CPNE5: variants seen among roughly 807,000 people sequenced by gnomAD.
CPNE5 encodes copine 5, also known as copine-5.
A neutral mutation model predicts 81.1 loss-of-function variants in CPNE5; 42 were observed. The observed-to-expected ratio is 0.52, with a 90% CI of 0.40 to 0.67. The LOEUF is 0.67. Among genes scored for constraint, CPNE5 ranks in the 30% least tolerant of loss-of-function variants. The pLI, the probability that CPNE5 is intolerant of heterozygous loss-of-function variation, is 0.00. For synonymous variants in CPNE5, 313 were observed against 321.5 expected (o/e 0.97, Z 0.28); for missense variants, 612 against 815.5 (o/e 0.75, Z 3.04).
At chr6:36,836,995 T>C (rs1484549361) in intron 1 of CPNE5, among the ~76,000 whole-genome samples, 1 of 152,170 alleles carries the variant, frequency 6.6e-6, no homozygotes, top group East Asian at 1.9e-4. Flanking sequence ...CAAAAGGGTA[T>C]TGACCCAGGG....
rs112836585 is a variant in CPNE5, at chr6:36,831,595, C to A, written c.95+7688G>T. ...TGGAGGCTGCAGTGAGCAGAGATCA[C>A]GCCACTGCACTCCAGGCTGGGTGAC... On this transcript the variant is annotated intron_variant, in intron 1 of 20. Coordinates refer to ENST00000244751, the MANE Select transcript of CPNE5 (RefSeq NM_020939.2). 1.7e-4 allele frequency among the ~76,000 whole-genome samples: 24 copies of A among 144,786 alleles called. No individual in the cohort carries two copies. The South Asian group carries it at 5.2e-3, about 32-fold the overall frequency. 95.0% of individuals were successfully genotyped at this position (144,786 alleles called of 152,430 possible).
chr6:36,830,201 G>T (rs1001484011), intron 1 of CPNE5, among the ~76,000 whole-genome samples: 1 of 152,148 alleles, frequency 6.6e-6, no homozygotes, highest in Non-Finnish European at 1.5e-5. Context: ...TCATTTAAAG[G>T]TGCCCTGGGG....
intron 1 of CPNE5, among the ~76,000 whole-genome samples, chr6:36,828,116 G>A (rs1038469587): frequency 3.3e-5 from 5 of 151,938 alleles, no homozygotes; most frequent in Non-Finnish European, 7.4e-5. Flanking sequence ...GGCAAAATGA[G>A]AGCCCTTGGC....
At chr6:36,777,606 TG>T (rs1767625741) in intron 9 of CPNE5, among the ~76,000 whole-genome samples, 1 of 152,192 alleles carries the variant, frequency 6.6e-6, no homozygotes, top group Admixed American at 6.5e-5. Flanking sequence ...GAAATCCTTC[TG>T]GGAGTCCTTT....
rs141084015 is a variant in CPNE5 at position 36,833,541 on chromosome 6, G to T, written c.95+5742C>A. ...GCAGATTAGGAGAGATTCTCCTGCT[G>T]ACCTTGAAGAAATGAGCTGCCATGC... On this transcript the variant is annotated intron_variant, in intron 1 of 20. Transcript: ENST00000244751. Among the ~76,000 whole-genome samples the T allele has an allele frequency of 8.3e-4, 127 of 152,340 alleles. 1 individual carries two copies. Among genetic ancestry groups the T allele is most frequent in the African/African-American group, 2.0e-3 (85 of 41,572 alleles).
intron 8 of CPNE5, among the ~76,000 whole-genome samples, chr6:36,779,377 A>G (rs1746558216): frequency 6.6e-6 from 1 of 152,192 alleles, no homozygotes; most frequent in Admixed American, 6.5e-5. Context: ...ACGTGGTTTC[A>G]TTACACTTTC....
At chr6:36,742,598 C>A in intron 20 of CPNE5, 112 bp from the exon 21 acceptor site, 1 of 1,240,508 alleles carries the variant, frequency 8.1e-7, no homozygotes, top group Non-Finnish European at 1.1e-6. Context: ...GCTCACTTGA[C>A]TCAATCCCCC....
At chr6:36,779,921 G>T (rs1767876586) in intron 8 of CPNE5, among the ~76,000 whole-genome samples, 2 of 151,586 alleles carry the variant, frequency 1.3e-5, no homozygotes. Flanking sequence ...CCCAGGACTT[G>T]CCCTGCTCTT....
chr6:36,792,668 C>T (rs1306462553), intron 7 of CPNE5, among the ~76,000 whole-genome samples: 1 of 152,156 alleles, frequency 6.6e-6, no homozygotes, highest in Non-Finnish European at 1.5e-5. Context: ...AGATCCCAGC[C>T]GACTGTGCAG....
chr6:36,827,794 AC>A, intron 1 of CPNE5: 1 of 970,152 alleles, frequency 1.0e-6, no homozygotes, highest in Non-Finnish European at 1.2e-6. Context: ...CACAGACAAG[AC>A]CAGACCACAA....
intron 8 of CPNE5, among the ~76,000 whole-genome samples, chr6:36,780,285 G>T (rs1476345758): frequency 1.3e-5 from 2 of 152,114 alleles, no homozygotes; most frequent in Non-Finnish European, 2.9e-5. Context: ...TAATGAGGGG[G>T]AGTGTCTTGA....
chr6:36,825,139 C>T (rs562515477), intron 1 of CPNE5, among the ~76,000 whole-genome samples: 5 of 152,238 alleles, frequency 3.3e-5, no homozygotes, highest in Non-Finnish European at 5.9e-5. Flanking sequence ...CCAAAGCCCT[C>T]GGCAGTGACA....
At chr6:36,790,872 C>T (rs1043736191) in intron 8 of CPNE5, among the ~76,000 whole-genome samples, 1 of 152,166 alleles carries the variant, frequency 6.6e-6, no homozygotes, top group Non-Finnish European at 1.5e-5. Flanking sequence ...TATGTTGACC[C>T]ATAATGGGTT....
At chr6:36,831,708 G>A (rs1773007694) in intron 1 of CPNE5, among the ~76,000 whole-genome samples, 1 of 148,950 alleles carries the variant, frequency 6.7e-6, no homozygotes, top group Non-Finnish European at 1.5e-5. Flanking sequence ...ATAAATGAAT[G>A]TGTCAGTAGT....
Position 36,839,415 on chromosome 6 carries a change from T to TTG in CPNE5, c.-39_-38insCA. On this transcript the variant is annotated 5_prime_UTR_variant, in exon 1 of 21. Transcript: ENST00000244751. The surrounding 1 kb of genome is among the most constrained non-coding windows in gnomAD (Gnocchi z 7.3). ...CCCCCACCCCAAATTAGTCAATCCC[T>TTG]GCGCGATTCACGCCTCCTCCGGAGC... The TTG allele has an allele frequency of 2.7e-6, 4 of 1,500,596 alleles. No homozygotes were observed. Among genetic ancestry groups the TTG allele is most frequent in the Non-Finnish European group, 3.6e-6 (4 of 1,109,336 alleles). The allele number at this position is 1,500,596 out of a possible 1,614,324, so 93.0% of individuals were successfully genotyped here.
At chr6:36,817,037 G>A (rs1044841575) in intron 3 of CPNE5, among the ~76,000 whole-genome samples, 3 of 152,180 alleles carry the variant, frequency 2.0e-5, no homozygotes, top group Non-Finnish European at 2.9e-5. Context: ...AGAAAAAGCT[G>A]TGTGAAGGCC....
rs530458399 is a variant in CPNE5, at chr6:36,829,762, G to A, written c.96-6664C>T. 5.6e-5 allele frequency among the ~76,000 whole-genome samples: 8 copies of A among 142,210 alleles called. No homozygotes were observed. The East Asian group carries it at 6.4e-4, about 11-fold the overall frequency. 93.3% of individuals were successfully genotyped at this position (142,210 alleles called of 152,430 possible). Reference sequence around the variant, plus strand: ...CGGGAAGCAGAGGTTGCAGTGAGCCGAGATCACGTCACTGCATTCCAGCCT... The same window carrying A: ...CGGGAAGCAGAGGTTGCAGTGAGCCAAGATCACGTCACTGCATTCCAGCCT... On this transcript the variant is annotated intron_variant, in intron 1 of 20. Coordinates refer to ENST00000244751, the MANE Select transcript of CPNE5 (RefSeq NM_020939.2).
chr6:36,799,139 C>G (rs73416224), intron 4 of CPNE5, among the ~76,000 whole-genome samples: 7,694 of 152,240 alleles, frequency 0.051, 256 homozygotes, highest in Middle Eastern at 0.092. Context: ...TCCCACCCAC[C>G]CACTGGCATC....
At chr6:36,768,170 G>C (rs993156094) in intron 10 of CPNE5, among the ~76,000 whole-genome samples, 7 of 151,052 alleles carry the variant, frequency 4.6e-5, no homozygotes, top group East Asian at 1.9e-4. Context: ...CCCAGAGACA[G>C]GGGGAAGACC....
Sources: gnomAD v4.1 joint callset for allele counts (sites outside exome capture counted in the v4.1 genomes callset) on GRCh38, gnomAD v4.1.1 for gene constraint, Gnocchi (gnomAD v3.1) non-coding constraint, MANE v1.5 for transcripts, NCBI Gene and HGNC (gene_info 2026-07-23, HGNC 2026-07-21) for gene names.